ANAPC7: variants seen among roughly 807,000 people sequenced by gnomAD.
The protein encoded by ANAPC7 is anaphase promoting complex subunit 7.
ANAPC7 carries 25 observed loss-of-function variants against 63.3 expected under a neutral mutation model. The ratio of observed to expected loss-of-function variants is 0.39; its 90% CI spans 0.29 to 0.55. ANAPC7 has a LOEUF of 0.55. Among genes scored for constraint, ANAPC7 ranks in the 20% least tolerant of loss-of-function variants. The pLI is 0.57. For missense variants in ANAPC7, 516 were observed against 691.7 expected (o/e 0.75, Z 2.85); for synonymous variants, 241 against 251.7 (o/e 0.96, Z 0.40).
At chr12:110,400,313 T>C (rs111608830) in intron 1 of ANAPC7, among the ~76,000 whole-genome samples, 7 of 152,320 alleles carry the variant, frequency 4.6e-5, no homozygotes, top group African/African-American at 1.7e-4. Flanking sequence ...AAAATAGTTA[T>C]TGCCTCTGGA....
chr12:110,389,081 TAAA>T (rs778746037), intron 3 of ANAPC7, among the ~76,000 whole-genome samples: 3 of 98,314 alleles, frequency 3.1e-5, no homozygotes, highest in Non-Finnish European at 4.1e-5. Context: ...GACTCCATCT[TAAA>T]AAAAAAAAAA....
At chr12:110,397,536 C>G (rs1361362121) in intron 1 of ANAPC7, among the ~76,000 whole-genome samples, 1 of 141,142 alleles carries the variant, frequency 7.1e-6, no homozygotes, top group Non-Finnish European at 1.5e-5. Flanking sequence ...TCCAGCCTGG[C>G]GACAGAGCGA....
rs747082495 is a variant in ANAPC7 at position 110,388,673 on chromosome 12, A to G, written c.409-50T>C. ...GCAAAATAAGCGTATATTGCAAAGA[A>G]AATCTCTCACCATGAAAAAGTCCTA... is the stretch of plus-strand genomic sequence containing the variant. On this transcript the variant is annotated intron_variant, in intron 3 of 10. Coordinates refer to ENST00000455511, the MANE Select transcript of ANAPC7 (RefSeq NM_016238.3). The G allele has an allele frequency of 6.6e-6, 9 of 1,356,348 alleles. No individual in the cohort carries two copies. In the African/African-American group the frequency reaches 1.3e-4, roughly 20 times the overall value. 84.0% of individuals were successfully genotyped at this position (1,356,348 alleles called of 1,614,324 possible). A position where few individuals can be genotyped will look rare whatever the true frequency, so the allele number is the denominator to read the frequency against.
chr12:110,375,475 T>TA (rs1881182230), intron 10 of ANAPC7: 1 of 984,620 alleles, frequency 1.0e-6, no homozygotes, highest in Non-Finnish European at 1.2e-6. Flanking sequence ...ACTTCTGTAT[T>TA]AAACAGTAAG....
At position 110,377,587 on chromosome 12, in the gene ANAPC7, C is replaced by A; in HGVS notation, c.1163G>T (p.Ser388Ile). The change falls in exon 9 of 11, where the codon AGT (serine) becomes ATT (isoleucine). Residue 388 changes from serine to isoleucine, a missense_variant. Ser to Ile is a moderately radical substitution (Grantham distance 142). Around this residue, in one of 4 missense-constraint regions of ANAPC7, gnomAD observed 199 missense variants for 249.3 expected, o/e 0.80. Coordinates refer to ENST00000455511, the MANE Select transcript of ANAPC7 (RefSeq NM_016238.3). Reference protein sequence around the residue: ...GLIECYLASNSIREAMVMANN... With the variant: ...GLIECYLASNIIREAMVMANN... ...AGCCATTACCATTGCTTCTCGAATA[C>A]TGTTGGAGGCTAAGTAACATTCGAT... 1 of 1,614,198 alleles carries A rather than the reference C, an allele frequency of 6.2e-7. No homozygotes were observed. The highest frequency in any genetic ancestry group is 8.5e-7 in the Non-Finnish European group (1 of 1,180,028).
At chr12:110,388,674 A>C (rs769259837) in intron 3 of ANAPC7, 51 bp from the exon 4 acceptor site, 2 of 1,346,072 alleles carry the variant, frequency 1.5e-6, no homozygotes, top group Non-Finnish European at 2.1e-6. Flanking sequence ...TTGCAAAGAA[A>C]ATCTCTCACC....
intron 6 of ANAPC7, among the ~76,000 whole-genome samples, chr12:110,385,763 A>G (rs1464597821): frequency 6.6e-6 from 1 of 152,132 alleles, no homozygotes; most frequent in African/African-American, 2.4e-5. Flanking sequence ...ACAAATAGAC[A>G]GCATATCTAT....
intron 9 of ANAPC7, 72 bp downstream of exon 9, chr12:110,377,321 C>A: frequency 2.2e-6 from 3 of 1,333,494 alleles, no homozygotes; most frequent in Non-Finnish European, 3.2e-6. Flanking sequence ...CTAGCTGGGA[C>A]AAGGGGCTCC....
At chr12:110,383,001 G>C in intron 6 of ANAPC7, 41 bp from the exon 7 acceptor site, 3 of 1,514,554 alleles carry the variant, frequency 2.0e-6, no homozygotes, top group Non-Finnish European at 2.7e-6. Flanking sequence ...GTTTTAAGAA[G>C]AGAAGCAGGG....
chr12:110,387,299 G>GAGAGAGAGAGAC (rs1882619428), intron 5 of ANAPC7: 3 of 130,242 alleles, frequency 2.3e-5, no homozygotes, highest in Non-Finnish European at 5.1e-5. Context: ...GAGAGAGAGA[G>GAGAGAGAGAGAC]AGAGAGAGAG....
chr12:110,393,046 C>T (rs984924492), intron 3 of ANAPC7, among the ~76,000 whole-genome samples: 1 of 152,138 alleles, frequency 6.6e-6, no homozygotes, highest in Non-Finnish European at 1.5e-5. Context: ...TCACCCACCT[C>T]GGCCTCCCAA....
intron 10 of ANAPC7, among the ~76,000 whole-genome samples, chr12:110,375,315 C>T (rs958495453): frequency 1.3e-5 from 2 of 152,106 alleles, no homozygotes; most frequent in African/African-American, 4.8e-5. Flanking sequence ...ACTGACAGCT[C>T]CCGAAACATA....
chr12:110,376,265 C>A, intron 9 of ANAPC7, 49 bp from the exon 10 acceptor site: 3 of 1,602,538 alleles, frequency 1.9e-6, no homozygotes, highest in Non-Finnish European at 1.7e-6. Context: ...AAAAAAACCA[C>A]AACTACCATT....
In ANAPC7 at chr12:110,374,135, G is replaced by C; in HGVS notation, c.*9C>G. On this transcript the variant is annotated 3_prime_UTR_variant, in exon 11 of 11. Coordinates refer to ENST00000455511, the MANE Select transcript of ANAPC7 (RefSeq NM_016238.3). Reference sequence around the variant, plus strand: ...GGCAGGCCACTGCGGCCATGGAGCTGCCGCCCCCTCACTGCATGCCGAACC... The same window carrying C: ...GGCAGGCCACTGCGGCCATGGAGCTCCCGCCCCCTCACTGCATGCCGAACC... 2 of 1,602,420 alleles carry C rather than the reference G, an allele frequency of 1.2e-6. No individual in the cohort carries two copies. Among genetic ancestry groups the C allele is most frequent in the Non-Finnish European group, 1.7e-6 (2 of 1,175,860 alleles).
chr12:110,386,561 T>A, intron 5 of ANAPC7, 92 bp from the exon 6 acceptor site: 1 of 1,162,778 alleles, frequency 8.6e-7, no homozygotes, highest in Non-Finnish European at 1.2e-6. Context: ...AGATACTATT[T>A]TCTTTTGCAT....
At chr12:110,398,797 T>A (rs1050661008) in intron 1 of ANAPC7, among the ~76,000 whole-genome samples, 2 of 151,720 alleles carry the variant, frequency 1.3e-5, no homozygotes, top group African/African-American at 4.8e-5. Context: ...AATACAAAAT[T>A]AGCCTGGCGT....
At chr12:110,377,364 G>T in intron 9 of ANAPC7, 29 bp downstream of exon 9, 1 of 1,589,236 alleles carries the variant, frequency 6.3e-7, no homozygotes, top group South Asian at 1.1e-5. Flanking sequence ...AATTAATGAT[G>T]AACAGGACAG....
intron 1 of ANAPC7, among the ~76,000 whole-genome samples, chr12:110,400,998 C>A (rs1255747792): frequency 1.3e-5 from 2 of 151,982 alleles, no homozygotes; most frequent in African/African-American, 4.8e-5. Context: ...TGTAGTCAGC[C>A]GAGATCGCAC....
chr12:110,399,525 T>C (rs1592931913), intron 1 of ANAPC7, among the ~76,000 whole-genome samples: 1 of 149,890 alleles, frequency 6.7e-6, no homozygotes, highest in Non-Finnish European at 1.5e-5. Context: ...AATTGGAGAG[T>C]GATTACTAAT....
Sources: gnomAD v4.1 joint callset for allele counts (sites outside exome capture counted in the v4.1 genomes callset) on GRCh38, gnomAD v4.1.1 for gene constraint, gnomAD v4.1.1 regional missense constraint, MANE v1.5 for transcripts, NCBI Gene and HGNC (gene_info 2026-07-23, HGNC 2026-07-21) for gene names.